OR6J1: variants seen among roughly 807,000 people sequenced by gnomAD.
OR6J1 encodes the protein olfactory receptor 6J1.
For missense variants in OR6J1, 304 were observed against 166.8 expected (o/e 1.82, Z -4.53); for synonymous variants, 109 against 70.0 (o/e 1.56, Z -2.78).
chr14:22,640,483 G>GTTTTTTTTTTTTTTT, intron 1 of OR6J1, among the ~76,000 whole-genome samples: 1 of 132,652 alleles, frequency 7.5e-6, no homozygotes, highest in Non-Finnish European at 1.6e-5. Context: ...CAGTGAGAAT[G>GTTTTTTTTTTTTTTT]TATTTTTTTT....
chr14:22,641,266 A>AAAGAAAGG (rs1290848247), intron 1 of OR6J1, among the ~76,000 whole-genome samples: 139 of 122,858 alleles, frequency 1.1e-3, no homozygotes, highest in Middle Eastern at 4.2e-3. Context: ...AGAAAGAAAG[A>AAAGAAAGG]AAGGAAGGAA....
chr14:22,639,136 C>G (rs1209296028), intron 1 of OR6J1, among the ~76,000 whole-genome samples: 1 of 71,688 alleles, frequency 1.4e-5, no homozygotes, highest in Non-Finnish European at 2.6e-5. Flanking sequence ...GCAGCTGCCC[C>G]GTCTGAGAAG....
Position 22,633,034 on chromosome 14 carries a change from A to G in OR6J1, c.*734T>C, listed in dbSNP as rs1208657290. 6.6e-6 allele frequency: 1 copy of G among 152,098 alleles called. No homozygotes were observed. The highest frequency in any genetic ancestry group is 1.5e-5 in the Non-Finnish European group (1 of 68,026). The allele number at this position is 152,098 out of a possible 1,614,324, so 9.4% of individuals were successfully genotyped here. On this transcript the variant is annotated 3_prime_UTR_variant, in exon 2 of 2. Coordinates refer to ENST00000540461, the MANE Select transcript of OR6J1 (RefSeq NM_001348233.2). ...AATAATCTCTGTGTTTTTTGCTTCA[A>G]TTTCTCAAAAAAGTCGTATCTGTTT... is the stretch of plus-strand genomic sequence containing the variant.
Position 22,641,322 on chromosome 14 carries a change from G to A in OR6J1, c.-28+2776C>T, listed in dbSNP as rs1225467604. Among the ~76,000 whole-genome samples, 3 of 26,752 alleles carry A rather than the reference G, an allele frequency of 1.1e-4. 1 individual carries two copies. The highest frequency in any genetic ancestry group is 4.5e-4 in the African/African-American group (3 of 6,672). The allele number at this position is 26,752 out of a possible 152,430, so 17.6% of individuals were successfully genotyped here. Reference sequence around the variant, plus strand: ...AGACAGAGAGGAAAGAGAGAGAGAGGAAGGAAGGAAGAAAGGAGGGAGGGA... The same window carrying A: ...AGACAGAGAGGAAAGAGAGAGAGAGAAAGGAAGGAAGAAAGGAGGGAGGGA... On this transcript the variant is annotated intron_variant, in intron 1 of 1. Coordinates refer to ENST00000540461, the MANE Select transcript of OR6J1 (RefSeq NM_001348233.2).
intron 1 of OR6J1, among the ~76,000 whole-genome samples, chr14:22,635,589 A>C (rs1566394720): frequency 6.6e-6 from 1 of 152,196 alleles, no homozygotes; most frequent in Non-Finnish European, 1.5e-5. Flanking sequence ...GAGACTTATA[A>C]AATTGGAATG....
intron 1 of OR6J1, among the ~76,000 whole-genome samples, 158 bp downstream of exon 1, chr14:22,643,940 A>G (rs938063703): frequency 2.0e-5 from 3 of 152,250 alleles, no homozygotes; most frequent in African/African-American, 4.8e-5. Flanking sequence ...CTCAAAATAC[A>G]TCTTTGCATA....
intron 1 of OR6J1, among the ~76,000 whole-genome samples, chr14:22,641,304 G>GGA (rs1405147881): frequency 2.2e-5 from 1 of 45,778 alleles, no homozygotes. Context: ...GAGAGACAGA[G>GGA]AGGAAAGAGA....
At chr14:22,641,023 G>A (rs1214814318) in intron 1 of OR6J1, among the ~76,000 whole-genome samples, 1 of 150,894 alleles carries the variant, frequency 6.6e-6, no homozygotes, top group Non-Finnish European at 1.5e-5. Flanking sequence ...ACAAAAATTA[G>A]CCAGGCATGG....
Position 22,634,596 on chromosome 14 carries a change from G to A in OR6J1, c.216C>T (p.Phe72=), listed in dbSNP as rs1434546455. 1.4e-6 allele frequency: 1 copy of A among 722,750 alleles called. No individual in the cohort carries two copies. The highest frequency in any genetic ancestry group is 1.5e-5 in the South Asian group (1 of 68,800). 44.8% of individuals were successfully genotyped at this position (722,750 alleles called of 1,614,324 possible). ...ACACTTTTGGAGAGATGACTGAGGT[G>A]AAGAGGATGTCCAGGATAGAGAGGT... ...LCNLSILDIL[F]TSVISPKVLA... The change falls in exon 2 of 2, where the codon TTC becomes TTT. Residue 72 remains phenylalanine, a synonymous_variant. Transcript: ENST00000540461.
chr14:22,643,062 G>A (rs574867711), intron 1 of OR6J1, among the ~76,000 whole-genome samples: 9 of 151,332 alleles, frequency 5.9e-5, no homozygotes, highest in East Asian at 1.9e-4. Flanking sequence ...CCGCCTCCCC[G>A]GTTCAAGCGA....
In OR6J1 at chr14:22,638,670, A is replaced by AT. The variant is rs1754640506; in HGVS notation, c.-27-3833_-27-3832insA. Among the ~76,000 whole-genome samples the AT allele has an allele frequency of 3.2e-4, 17 of 53,488 alleles. No individual in the cohort carries two copies. In the South Asian group the frequency reaches 6.9e-3, roughly 22 times the overall value. The allele number at this position is 53,488 out of a possible 152,430, so 35.1% of individuals were successfully genotyped here. A position where few individuals can be genotyped will look rare whatever the true frequency, so the allele number is the denominator to read the frequency against. On this transcript the variant is annotated intron_variant, in intron 1 of 1. Coordinates refer to ENST00000540461, the MANE Select transcript of OR6J1 (RefSeq NM_001348233.2). The stretch of plus-strand genomic sequence containing the variant: ...TCAATAAAAAAAATAAAAATAAAAA[A>AT]AAAATAAAAAAAATTAAGACACTAG...
intron 1 of OR6J1, among the ~76,000 whole-genome samples, chr14:22,638,657 ATAAAAAT>A (rs2037614671): frequency 2.2e-5 from 1 of 45,174 alleles, no homozygotes; most frequent in Non-Finnish European, 4.6e-5. Context: ...AATAAAAAAA[ATAAAAAT>A]AAAAAAAAAA....
At chr14:22,643,270 AT>A (rs558796354) in intron 1 of OR6J1, among the ~76,000 whole-genome samples, 1,929 of 147,516 alleles carry the variant, frequency 0.013, 47 homozygotes, top group African/African-American at 0.046. Flanking sequence ...GCCTAGCCTA[AT>A]TTTTTTTTTA....
chr14:22,639,131 T>A, intron 1 of OR6J1, among the ~76,000 whole-genome samples: 1 of 82,852 alleles, frequency 1.2e-5, no homozygotes, highest in South Asian at 3.7e-4. Flanking sequence ...GCCCGGCAGC[T>A]GCCCCGTCTG....
rs75559774 is a variant in OR6J1, at chr14:22,641,946, G to A, written c.-28+2152C>T. ...AAGGACTCTGGATAGCAGAGGCCAC[G>A]TAATTACCAGTGACTAAGAAGAATA... On this transcript the variant is annotated intron_variant, in intron 1 of 1. Transcript: ENST00000540461. Among the ~76,000 whole-genome samples, 236 of 152,248 alleles carry A rather than the reference G, an allele frequency of 1.6e-3. 5 individuals are homozygous for A. The East Asian group carries it at 0.035, about 22-fold the overall frequency.
In OR6J1 at chr14:22,634,270, C is replaced by A; in HGVS notation, c.542G>T (p.Gly181Val). Reference protein sequence around the residue: ...NIINHFFCDSGPLLALACADT... With the variant: ...NIINHFFCDSVPLLALACADT... ...TGCACAGGCCAGGGCCAGCAAGGGT[C>A]CACTGTCACAGAAGAAGTGGTTAAT... The change falls in exon 2 of 2, where the codon GGA becomes GTA. Residue 181 changes from glycine to valine, a missense_variant. Coordinates refer to ENST00000540461, the MANE Select transcript of OR6J1 (RefSeq NM_001348233.2). 1.4e-6 allele frequency: 1 copy of A among 703,292 alleles called. No homozygotes were observed. The highest frequency in any genetic ancestry group is 1.7e-5 in the African/African-American group (1 of 57,364). The allele number at this position is 703,292 out of a possible 1,614,324, so 43.6% of individuals were successfully genotyped here.
In OR6J1 at chr14:22,634,095, G is replaced by A. The variant is rs191092081; in HGVS notation, c.717C>T (p.Thr239=). The change falls in exon 2 of 2, where the codon ACC becomes ACT. Residue 239 remains threonine (T), a synonymous_variant. Transcript: ENST00000540461. The part of the protein sequence containing the change: ...SASGRKKAFN[T]CASHLTIVII... Reference sequence around the variant, plus strand: ...TGACTATGGTCAGGTGGGAAGCACAGGTATTAAAGGCCTTCTTCCTTCCAC... The same window carrying A: ...TGACTATGGTCAGGTGGGAAGCACAAGTATTAAAGGCCTTCTTCCTTCCAC... 2 of 702,976 alleles carry A rather than the reference G, an allele frequency of 2.8e-6. No individual in the cohort carries two copies. The highest frequency in any genetic ancestry group is 3.5e-5 in the African/African-American group (2 of 57,244). The allele number at this position is 702,976 out of a possible 1,614,324, so 43.5% of individuals were successfully genotyped here.
chr14:22,641,582 A>G (rs2037653590), intron 1 of OR6J1, among the ~76,000 whole-genome samples: 1 of 129,804 alleles, frequency 7.7e-6, no homozygotes, highest in South Asian at 2.6e-4. Flanking sequence ...AAAGAAGGAA[A>G]GAAAATTATT....
Position 22,633,850 on chromosome 14 carries a change from C to T in OR6J1, c.962G>A (p.Ser321Asn), listed in dbSNP as rs1010202650. 33 of 702,616 alleles carry T rather than the reference C, an allele frequency of 4.7e-5. No individual in the cohort carries two copies. In the Admixed American group the frequency reaches 6.2e-4, roughly 13 times the overall value. 43.5% of individuals were successfully genotyped at this position (702,616 alleles called of 1,614,324 possible). The change falls in exon 2 of 2, where the codon AGC (serine) becomes AAC (asparagine). Residue 321 changes from serine to asparagine, a missense_variant. Physicochemically the swap from Ser to Asn is conservative, Grantham distance 46. Transcript: ENST00000540461. The stretch of plus-strand genomic sequence containing the variant: ...GTGGTCTTTGTTGGAGGATAATCTG[C>T]TTCTCAGCACTGCCCTCATCCTCTT... ...FEKRMRAVLR[S>N]RLSSNKDHQG...
Sources: allele counts gnomAD v4.1 joint callset (sites outside exome capture counted in the v4.1 genomes callset), GRCh38; gene constraint gnomAD v4.1.1; transcripts MANE v1.5; gene names NCBI Gene and HGNC (gene_info 2026-07-23, HGNC 2026-07-21).